Variants in CSMD1 observed in about 807,000 individuals in gnomAD.
The protein encoded by CSMD1 is CUB and Sushi multiple domains 1.
Under a neutral mutation model 417.5 loss-of-function variants are expected in CSMD1, and 213 were observed. The observed-to-expected ratio is 0.51, with a 90% confidence interval of 0.46 to 0.57. The LOEUF (loss-of-function observed/expected upper bound fraction) is 0.57. CSMD1 is among the 20% of genes least tolerant of loss of function. CSMD1 has a pLI of 0.00. For missense variants in CSMD1, 6,923 were observed against 4,529.7 expected (o/e 1.53, Z -15.17); for synonymous variants, 2,862 against 1,736.8 (o/e 1.65, Z -16.11).
At chr8:3,705,142 C>A (rs139966398) in intron 7 of CSMD1, among the ~76,000 whole-genome samples, 226 of 152,264 alleles carry the variant, frequency 1.5e-3, no homozygotes, top group African/African-American at 5.4e-3. Context: ...TCTGGGGACA[C>A]CACCAGGGAC....
chr8:4,206,371 T>C (rs557639283), intron 3 of CSMD1, among the ~76,000 whole-genome samples: 1 of 151,554 alleles, frequency 6.6e-6, no homozygotes, highest in South Asian at 2.1e-4. Flanking sequence ...CAGGCCCCGG[T>C]ATGTCATATT....
chr8:3,492,181 C>A (rs534221275), intron 11 of CSMD1, among the ~76,000 whole-genome samples: 1 of 152,210 alleles, frequency 6.6e-6, no homozygotes, highest in African/African-American at 2.4e-5. Flanking sequence ...CAGGAGAAGC[C>A]AAGATGTTTG....
In CSMD1 at chr8:4,740,453, G is replaced by C. The variant is rs150637484; in HGVS notation, c.86-102895C>G. Among the ~76,000 whole-genome samples, 1,103 of 152,210 alleles carry C rather than the reference G, an allele frequency of 7.2e-3. 13 individuals are homozygous for C. The highest frequency in any genetic ancestry group is 0.02 in the Middle Eastern group (6 of 294). ...TCTGCAACACTGAATGCAATCCTAG[G>C]GTAGAGACAGGCTGGGATGTGTTTA... On this transcript the variant is annotated intron_variant, in intron 1 of 69. Coordinates refer to ENST00000635120, the MANE Select transcript of CSMD1 (RefSeq NM_033225.6).
At chr8:4,442,694 G>A (rs141267761) in intron 2 of CSMD1, among the ~76,000 whole-genome samples, 1 of 152,122 alleles carries the variant, frequency 6.6e-6, no homozygotes, top group Non-Finnish European at 1.5e-5. Flanking sequence ...TCTCCGAAAA[G>A]GTAGTTCCCC....
Position 4,840,403 on chromosome 8 carries a change from C to T in CSMD1, c.85+153929G>A, listed in dbSNP as rs77591440. 8.5e-5 allele frequency among the ~76,000 whole-genome samples: 13 copies of T among 152,206 alleles called. No homozygotes were observed. In the East Asian group the frequency reaches 2.1e-3, roughly 25 times the overall value. On this transcript the variant is annotated intron_variant, in intron 1 of 69. Coordinates refer to ENST00000635120, the MANE Select transcript of CSMD1 (RefSeq NM_033225.6). ...CTTGCTACTAATGTTGAACATATGT[C>T]GAAAACATTTTAACCACTTATATGT...
At chr8:4,697,777 G>A (rs1807235883) in intron 1 of CSMD1, among the ~76,000 whole-genome samples, 1 of 152,166 alleles carries the variant, frequency 6.6e-6, no homozygotes, top group Admixed American at 6.5e-5. Flanking sequence ...ATTACAAACT[G>A]TGATAAAATA....
intron 3 of CSMD1, among the ~76,000 whole-genome samples, chr8:4,319,709 T>A (rs10091666): frequency 0.21 from 31,446 of 151,816 alleles, 3,423 homozygotes; most frequent in East Asian, 0.31. Context: ...TTGGCAGTTC[T>A]TGGATTAGAG....
chr8:3,839,316 T>C (rs1802943822), intron 5 of CSMD1, among the ~76,000 whole-genome samples: 1 of 122,128 alleles, frequency 8.2e-6, no homozygotes, highest in Non-Finnish European at 1.6e-5. Context: ...ATACTATTAA[T>C]ATATATTAAT....
At chr8:4,065,664 C>G (rs745621973) in intron 3 of CSMD1, among the ~76,000 whole-genome samples, 2 of 152,158 alleles carry the variant, frequency 1.3e-5, no homozygotes, top group African/African-American at 4.8e-5. Flanking sequence ...AGCCATGACA[C>G]TACCAACTTC....
At chr8:3,632,335 T>G (rs916107256) in intron 7 of CSMD1, among the ~76,000 whole-genome samples, 1 of 152,096 alleles carries the variant, frequency 6.6e-6, no homozygotes, top group Non-Finnish European at 1.5e-5. Flanking sequence ...TCTTGGACCT[T>G]CAGCCCTGAC....
chr8:3,051,886 G>C (rs1481982672), intron 50 of CSMD1, among the ~76,000 whole-genome samples: 2 of 152,244 alleles, frequency 1.3e-5, no homozygotes, highest in African/African-American at 2.4e-5. Flanking sequence ...TAGAGTTTCA[G>C]AAAGTACTCC....
At chr8:2,948,662 TC>T (rs1802416835) in intron 68 of CSMD1, among the ~76,000 whole-genome samples, 1 of 152,122 alleles carries the variant, frequency 6.6e-6, no homozygotes, top group Admixed American at 6.6e-5. Context: ...ATTTCTAAGT[TC>T]CACTACTAAA....
At position 3,359,209 on chromosome 8, in the gene CSMD1, G is replaced by C. The variant is rs1304074647; in HGVS notation, c.3247C>G (p.Leu1083Val). 4 of 1,613,938 alleles carry C rather than the reference G, an allele frequency of 2.5e-6. No homozygotes were observed. Among genetic ancestry groups the C allele is most frequent in the East Asian group, 2.2e-5 (1 of 44,834 alleles). Reference protein sequence around the residue: ...LGYRLEGATKLTCLGGGRRVW... With the variant: ...LGYRLEGATKVTCLGGGRRVW... ...CGGCGGCCCCCACCCAGGCAGGTAA[G>C]CTTGGTGGCACCTTCTAAACGATAT... Residue 1083 changes from leucine (L) to valine (V), a missense_variant, in exon 21 of 70, where the codon CTT (leucine) becomes GTT (valine). By Grantham distance (32) the Leu-to-Val change is conservative. Coordinates refer to ENST00000635120, the MANE Select transcript of CSMD1 (RefSeq NM_033225.6).
chr8:4,233,256 C>G (rs956085341), intron 3 of CSMD1, among the ~76,000 whole-genome samples: 1 of 152,132 alleles, frequency 6.6e-6, no homozygotes, highest in African/African-American at 2.4e-5. Context: ...CAGGGAAGAT[C>G]AGCTTCTTTG....
At chr8:3,604,713 T>C (rs1801526623) in intron 8 of CSMD1, among the ~76,000 whole-genome samples, 1 of 152,138 alleles carries the variant, frequency 6.6e-6, no homozygotes, top group Middle Eastern at 3.2e-3. Flanking sequence ...ATTCTCTGCA[T>C]CAGGAGAGAA....
intron 52 of CSMD1, 131 bp from the exon 53 acceptor site, chr8:3,000,262 T>A (rs1235574777): frequency 4.5e-6 from 2 of 443,204 alleles, no homozygotes; most frequent in East Asian, 7.1e-5. Flanking sequence ...TCATTACATA[T>A]ATATGTATAC....
At chr8:4,856,905 A>G (rs1197475956) in intron 1 of CSMD1, among the ~76,000 whole-genome samples, 1 of 152,166 alleles carries the variant, frequency 6.6e-6, no homozygotes, top group Admixed American at 6.5e-5. Context: ...TCAGCTCTGA[A>G]CCAAGTGGAC....
chr8:4,291,725 G>A (rs73500685), intron 3 of CSMD1, among the ~76,000 whole-genome samples: 2 of 152,172 alleles, frequency 1.3e-5, no homozygotes, highest in South Asian at 4.1e-4. Flanking sequence ...AGTCTAATCA[G>A]TTATATGCGG....
chr8:3,176,152 G>T (rs112130876), intron 37 of CSMD1, among the ~76,000 whole-genome samples: 5,024 of 152,150 alleles, frequency 0.033, 318 homozygotes, highest in African/African-American at 0.12. Flanking sequence ...ATTTAGTGAA[G>T]AAGGCCTGAA....
Sources: allele counts gnomAD v4.1 joint callset (sites outside exome capture counted in the v4.1 genomes callset), GRCh38; gene constraint gnomAD v4.1.1; transcripts MANE v1.5; gene names NCBI Gene and HGNC (gene_info 2026-07-23, HGNC 2026-07-21).